GCA: variants seen among roughly 807,000 people sequenced by gnomAD.
The protein encoded by GCA is grancalcin, also known as grancalcin, EF-hand calcium-binding protein.
A neutral mutation model predicts 32.6 loss-of-function variants in GCA; 30 were observed. That is an observed-to-expected ratio of 0.92 (90% CI 0.69 to 1.25). The LOEUF (loss-of-function observed/expected upper bound fraction) is 1.25. Ranked by LOEUF, GCA falls within the 50% of genes most tolerant of loss-of-function variation. The pLI, the probability that GCA is intolerant of heterozygous loss-of-function variation, is 0.00. For synonymous variants in GCA, 102 were observed against 84.6 expected (o/e 1.21, Z -1.13); for missense variants, 291 against 266.8 (o/e 1.09, Z -0.63).
At chr2:162,342,006 A>C (rs987143832), upstream of GCA, among the ~76,000 whole-genome samples, 2 of 152,228 alleles carry the variant, frequency 1.3e-5, no homozygotes, top group Admixed American at 6.5e-5. Flanking sequence ...ATTTTATTAA[A>C]AGAAAAATAT....
chr2:162,371,814 A>T, downstream of GCA: 1 of 1,602,658 alleles, frequency 6.2e-7, no homozygotes, highest in Non-Finnish European at 8.5e-7. Flanking sequence ...ATGTGGAGTA[A>T]ATAGTACAAA....
intron 6 of GCA, 54 bp downstream of exon 6, chr2:162,359,211 TA>T (rs1685447256): frequency 1.0e-6 from 1 of 954,752 alleles, no homozygotes; most frequent in East Asian, 2.4e-5. Flanking sequence ...TTTTCTTGAA[TA>T]ATGTGTCTCA....
At chr2:162,356,311 G>A in intron 3 of GCA, 127 bp from the exon 4 acceptor site, 1 of 661,192 alleles carries the variant, frequency 1.5e-6, no homozygotes, top group South Asian at 1.9e-5. Flanking sequence ...ATAATAGCTT[G>A]TTGATTGTGG....
At chr2:162,340,209 AC>A (rs1684395919), upstream of GCA, among the ~76,000 whole-genome samples, 1 of 152,138 alleles carries the variant, frequency 6.6e-6, no homozygotes, top group African/African-American at 2.4e-5. Context: ...GTTGGTAGGC[AC>A]CCTCACCAGA....
upstream of GCA, among the ~76,000 whole-genome samples, chr2:162,342,008 G>T (rs538412322): frequency 6.6e-6 from 1 of 152,092 alleles, no homozygotes; most frequent in Admixed American, 6.5e-5. Flanking sequence ...TTTATTAAAA[G>T]AAAAATATTT....
At chr2:162,344,377 G>A in intron 1 of GCA, 102 bp downstream of exon 1, 1 of 1,123,420 alleles carries the variant, frequency 8.9e-7, no homozygotes, top group African/African-American at 1.5e-5. Context: ...TGCTCCCTGC[G>A]TCCGCGCCTG....
chr2:162,345,960 CTAAT>C (rs1684682793), intron 1 of GCA, among the ~76,000 whole-genome samples: 1 of 152,092 alleles, frequency 6.6e-6, no homozygotes, highest in Non-Finnish European at 1.5e-5. Flanking sequence ...ATACTTTTAT[CTAAT>C]TAAGTGCATG....
At chr2:162,341,365 T>C (rs1314131269), upstream of GCA, among the ~76,000 whole-genome samples, 3 of 149,778 alleles carry the variant, frequency 2.0e-5, no homozygotes, top group African/African-American at 7.3e-5. Flanking sequence ...TGTGACTCTT[T>C]TCTCTCCCTC....
chr2:162,366,191 A>G (rs1306820672), downstream of GCA, among the ~76,000 whole-genome samples: 1 of 151,792 alleles, frequency 6.6e-6, no homozygotes, highest in Non-Finnish European at 1.5e-5. Context: ...AATTTTTGAC[A>G]TTAGCTTTTC....
intron 2 of GCA, among the ~76,000 whole-genome samples, chr2:162,349,016 A>G (rs1180676224): frequency 6.6e-6 from 1 of 151,504 alleles, no homozygotes; most frequent in Non-Finnish European, 1.5e-5. Context: ...ACTTGCTGCA[A>G]TGATTCTAAA....
chr2:162,335,402 G>A (rs1185414216), intron 1 of GCA, among the ~76,000 whole-genome samples: 5 of 142,120 alleles, frequency 3.5e-5, no homozygotes, highest in Admixed American at 7.0e-5. Flanking sequence ...ATGACAGAGT[G>A]AGACTCTGTC....
In GCA at chr2:162,359,498, C is replaced by A; in HGVS notation, c.573C>A (p.Phe191Leu). 6.7e-7 allele frequency: 1 copy of A among 1,488,702 alleles called. No homozygotes were observed. The highest frequency in any genetic ancestry group is 9.3e-7 in the Non-Finnish European group (1 of 1,079,380). 92.2% of individuals were successfully genotyped at this position (1,488,702 alleles called of 1,614,324 possible). A position where few individuals can be genotyped will look rare whatever the true frequency, so the allele number is the denominator to read the frequency against. ...AAGTAATTTCTTTGTTTAAAGATTTCTTTAGGAAAAGAGACCACTTGCAAC... is the reference window on the plus strand; with the variant it reads ...AAGTAATTTCTTTGTTTAAAGATTTATTTAGGAAAAGAGACCACTTGCAAC... ...CCVKLRALTD[F>L]FRKRDHLQQG... is the part of the protein sequence containing the mutation. The change falls in exon 7 of 8, where the codon TTC becomes TTA. Residue 191 changes from phenylalanine (F) to leucine (L), a missense_variant. Coordinates refer to ENST00000437150, the MANE Select transcript of GCA (RefSeq NM_012198.5).
At chr2:162,364,307 A>G (rs896923492), downstream of GCA, among the ~76,000 whole-genome samples, 3 of 151,542 alleles carry the variant, frequency 2.0e-5, no homozygotes, top group Non-Finnish European at 4.4e-5. Context: ...CTTATTAAAT[A>G]TTCATTTTTT....
At position 162,360,850 on chromosome 2, in the gene GCA, T is replaced by G. The variant is rs1685541713; in HGVS notation, c.*607T>G. On this transcript the variant is annotated 3_prime_UTR_variant, in exon 8 of 8. Transcript: ENST00000437150. Reference sequence around the variant, plus strand: ...GAAGGCATTGTTTTTTCCTTTTTTATTTTTTGTATTATATATTTTTCTTAA... The same window carrying G: ...GAAGGCATTGTTTTTTCCTTTTTTAGTTTTTGTATTATATATTTTTCTTAA... The G allele has an allele frequency of 8.6e-7, 1 of 1,158,052 alleles. No individual in the cohort carries two copies. Among genetic ancestry groups the G allele is most frequent in the Non-Finnish European group, 1.1e-6 (1 of 917,134 alleles). The allele number at this position is 1,158,052 out of a possible 1,614,324, so 71.7% of individuals were successfully genotyped here.
At chr2:162,320,013 C>A (rs1295177947) in intron 1 of GCA, among the ~76,000 whole-genome samples, 1 of 152,004 alleles carries the variant, frequency 6.6e-6, no homozygotes, top group African/African-American at 2.4e-5. Flanking sequence ...CTTTTTCTAC[C>A]CCTGAAGGAT....
In GCA at chr2:162,353,338, C is replaced by T. The variant is rs528097093; in HGVS notation, c.262+931C>T. Among the ~76,000 whole-genome samples, 4 of 152,068 alleles carry T rather than the reference C, an allele frequency of 2.6e-5. No homozygotes were observed. The South Asian group carries it at 8.3e-4, about 32-fold the overall frequency. ...CAAAAATTAACTGGGCGTGGTGGCACGCACCTGTAGTCCCAGCTACTCGGG... is the reference window on the plus strand; with the variant it reads ...CAAAAATTAACTGGGCGTGGTGGCATGCACCTGTAGTCCCAGCTACTCGGG... On this transcript the variant is annotated intron_variant, in intron 3 of 7. Transcript: ENST00000437150.
At position 162,356,527 on chromosome 2, in the gene GCA, C is replaced by T. The variant is rs1467435502; in HGVS notation, c.306+46C>T. On this transcript the variant is annotated intron_variant, in intron 4 of 7. Coordinates refer to ENST00000437150, the MANE Select transcript of GCA (RefSeq NM_012198.5). Reference sequence around the variant, plus strand: ...AAAATACTAGAATAAAGAGTAATTGCTTTCTGACTATCAAGCCAGTGGTTA... The same window carrying T: ...AAAATACTAGAATAAAGAGTAATTGTTTTCTGACTATCAAGCCAGTGGTTA... 5 of 1,174,638 alleles carry T rather than the reference C, an allele frequency of 4.3e-6. No homozygotes were observed. In the African/African-American group the frequency reaches 7.6e-5, roughly 18 times the overall value. 72.8% of individuals were successfully genotyped at this position (1,174,638 alleles called of 1,614,324 possible).
At chr2:162,367,089 C>A (rs552179210), downstream of GCA, among the ~76,000 whole-genome samples, 131 of 151,850 alleles carry the variant, frequency 8.6e-4, no homozygotes, top group Middle Eastern at 3.2e-3. Flanking sequence ...GGATCCTCAA[C>A]ACACCCCTTC....
upstream of GCA, among the ~76,000 whole-genome samples, chr2:162,342,123 A>G (rs1326499570): frequency 6.6e-6 from 1 of 152,198 alleles, no homozygotes; most frequent in Non-Finnish European, 1.5e-5. Flanking sequence ...GTTATTTAAA[A>G]AAAACTCTAT....
Sources: gnomAD v4.1 joint callset for allele counts (sites outside exome capture counted in the v4.1 genomes callset) on GRCh38, gnomAD v4.1.1 for gene constraint, MANE v1.5 for transcripts, NCBI Gene and HGNC (gene_info 2026-07-23, HGNC 2026-07-21) for gene names.